SOX6: variants seen among roughly 807,000 people sequenced by gnomAD.
SOX6 encodes the protein transcription factor SOX-6.
Under a neutral mutation model 97.8 loss-of-function variants are expected in SOX6, and 11 were observed. That is an observed-to-expected ratio of 0.11 (90% CI 0.07 to 0.19). SOX6 has a LOEUF of 0.19. Ranked by LOEUF, SOX6 falls within the 10% of genes least tolerant of loss-of-function variation. The pLI, the probability that SOX6 is intolerant of heterozygous loss-of-function variation, is 1.00. For synonymous variants in SOX6, 360 were observed against 371.4 expected (o/e 0.97, Z 0.35); for missense variants, 810 against 1,039.5 (o/e 0.78, Z 3.04).
chr11:16,096,435 C>T (rs746376296), intron 8 of SOX6, among the ~76,000 whole-genome samples: 8 of 151,678 alleles, frequency 5.3e-5, no homozygotes, highest in African/African-American at 1.2e-4. Context: ...GTGTTAGTAG[C>T]GTGAAAGGTG....
intron 9 of SOX6, among the ~76,000 whole-genome samples, chr11:16,083,552 A>T (rs1023480331): frequency 6.6e-6 from 1 of 152,216 alleles, no homozygotes; most frequent in African/African-American, 2.4e-5. Flanking sequence ...GGAGCATGAG[A>T]TATACTGTCC....
At chr11:16,554,676 G>A (rs1847731168) in intron 4 of SOX6, among the ~76,000 whole-genome samples, 1 of 152,034 alleles carries the variant, frequency 6.6e-6, no homozygotes, top group African/African-American at 2.4e-5. Flanking sequence ...GAAATATGAA[G>A]CAGTCATAAA....
chr11:16,720,460 G>A lies in SOX6; in HGVS notation n.354-5555C>T, dbSNP rs1274904876. ...TCACAAGGACAAAAAACCAAACACC[G>A]CATGTTCTCACTCATAGATGGGAAT... On this transcript the variant is annotated intron_variant and non_coding_transcript_variant, in intron 2 of 5. Transcript: ENST00000524520. Among the ~76,000 whole-genome samples the A allele has an allele frequency of 8.1e-5, 11 of 135,564 alleles. No individual in the cohort carries two copies. The South Asian group carries it at 1.8e-3, about 23-fold the overall frequency. 88.9% of individuals were successfully genotyped at this position (135,564 alleles called of 152,430 possible).
chr11:16,292,173 A>G (rs1177905611), intron 3 of SOX6, among the ~76,000 whole-genome samples: 4 of 152,158 alleles, frequency 2.6e-5, no homozygotes, highest in Non-Finnish European at 5.9e-5. Flanking sequence ...CAGATATGTT[A>G]TCAAACCTGT....
At chr11:16,413,512 CTTTTTTTTTTTTT>C (rs752774148) in intron 1 of SOX6, among the ~76,000 whole-genome samples, 3 of 76,226 alleles carry the variant, frequency 3.9e-5, no homozygotes, top group Non-Finnish European at 7.3e-5. Context: ...AAGACTTCTA[CTTTTTTTTTTTTT>C]TTTTTTTTTT....
chr11:16,085,865 T>C (rs1311389839), intron 9 of SOX6, among the ~76,000 whole-genome samples: 2 of 152,160 alleles, frequency 1.3e-5, no homozygotes, highest in African/African-American at 4.8e-5. Flanking sequence ...ATAACACATA[T>C]CATAAAGAAA....
chr11:16,386,223 G>A (rs1398016557), intron 1 of SOX6, among the ~76,000 whole-genome samples: 1 of 151,554 alleles, frequency 6.6e-6, no homozygotes, highest in Non-Finnish European at 1.5e-5. Context: ...AGAATTGAAG[G>A]AGAAATCTAT....
chr11:16,612,129 G>C (rs1848405358), exon 4 of SOX6: 1 of 152,640 alleles, frequency 6.6e-6, no homozygotes, highest in East Asian at 1.9e-4. Context: ...GTTAGCCTGC[G>C]AGTTACCCAG....
At chr11:16,523,683 T>C (rs1050034059) in intron 4 of SOX6, among the ~76,000 whole-genome samples, 2 of 152,058 alleles carry the variant, frequency 1.3e-5, no homozygotes, top group African/African-American at 4.8e-5. Flanking sequence ...AAAAAATTAA[T>C]GAATCCAGGA....
chr11:16,721,825 G>A (rs1020543690), intron 2 of SOX6, among the ~76,000 whole-genome samples: 2 of 151,518 alleles, frequency 1.3e-5, no homozygotes, highest in Non-Finnish European at 2.9e-5. Flanking sequence ...CTGTGATAAT[G>A]GAATAATACA....
intron 12 of SOX6, among the ~76,000 whole-genome samples, chr11:16,018,671 C>G (rs1443139576): frequency 1.3e-5 from 2 of 151,954 alleles, no homozygotes; most frequent in Non-Finnish European, 2.9e-5. Context: ...AGTAAAATTG[C>G]TCTTAAATTT....
intron 4 of SOX6, among the ~76,000 whole-genome samples, chr11:16,530,098 G>C (rs545576493): frequency 1.3e-5 from 2 of 152,036 alleles, no homozygotes; most frequent in Admixed American, 6.6e-5. Context: ...TTTGCAGTCA[G>C]ATAGATCTAG....
intron 12 of SOX6, among the ~76,000 whole-genome samples, chr11:16,045,956 G>C (rs1349771227): frequency 1.3e-5 from 2 of 152,176 alleles, no homozygotes; most frequent in East Asian, 1.9e-4. Context: ...TAGGAAAGCA[G>C]GTGTCTTTGT....
At chr11:16,020,464 G>C (rs1445182910) in intron 12 of SOX6, among the ~76,000 whole-genome samples, 1 of 151,916 alleles carries the variant, frequency 6.6e-6, no homozygotes, top group Non-Finnish European at 1.5e-5. Flanking sequence ...TTTCCTCCAA[G>C]CTCCTCTACA....
chr11:16,509,720 G>A (rs7944481), intron 4 of SOX6, among the ~76,000 whole-genome samples: 15 of 151,600 alleles, frequency 9.9e-5, no homozygotes, highest in African/African-American at 3.4e-4. Context: ...TATTTTAATC[G>A]GGCATATTGA....
intron 6 of SOX6, among the ~76,000 whole-genome samples, chr11:16,132,425 GAA>G (rs1189802922): frequency 1.1e-5 from 1 of 91,974 alleles, no homozygotes; most frequent in South Asian, 3.5e-4. Context: ...AAGAAAGAAA[GAA>G]AGAAAGAAAG....
intron 4 of SOX6, among the ~76,000 whole-genome samples, chr11:16,521,057 C>A (rs752860958): frequency 6.6e-6 from 1 of 152,130 alleles, no homozygotes; most frequent in Non-Finnish European, 1.5e-5. Context: ...GGCAGGGCAC[C>A]GACAAACGAA....
chr11:16,415,147 C>G (rs773410066), intron 1 of SOX6, among the ~76,000 whole-genome samples: 2 of 151,874 alleles, frequency 1.3e-5, no homozygotes, highest in African/African-American at 4.8e-5. Flanking sequence ...ATGGGAAGTA[C>G]GTTTGAATGT....
intron 3 of SOX6, among the ~76,000 whole-genome samples, chr11:16,305,171 A>G (rs1002839642): frequency 2.0e-5 from 3 of 152,174 alleles, no homozygotes; most frequent in Non-Finnish European, 4.4e-5. Context: ...CCATGTATCT[A>G]TCATAGGACT....
Sources: gnomAD v4.1 joint callset for allele counts (sites outside exome capture counted in the v4.1 genomes callset) on GRCh38, gnomAD v4.1.1 for gene constraint, MANE v1.5 for transcripts, NCBI Gene and HGNC (gene_info 2026-07-23, HGNC 2026-07-21) for gene names.